LRP1B: variants seen among roughly 807,000 people sequenced by gnomAD.
LRP1B encodes the protein low-density lipoprotein receptor-related protein 1B.
Under a neutral mutation model 556.6 loss-of-function variants are expected in LRP1B, and 217 were observed. The ratio of observed to expected loss-of-function variants is 0.39; its 90% confidence interval spans 0.35 to 0.44. The LOEUF (loss-of-function observed/expected upper bound fraction) is 0.44. Ranked by LOEUF, LRP1B falls within the 20% of genes least tolerant of loss-of-function variation. LRP1B has a pLI of 1.00. For missense variants in LRP1B, 5,053 were observed against 5,620.8 expected (o/e 0.90, Z 3.23); for synonymous variants, 2,047 against 1,865.8 (o/e 1.10, Z -2.50).
In LRP1B at chr2:141,464,604, A is replaced by ATT. The variant is rs1415837703; in HGVS notation, c.343+15791_343+15792insAA. 6.9e-4 allele frequency among the ~76,000 whole-genome samples: 50 copies of ATT among 72,778 alleles called. 3 individuals are homozygous for ATT. The highest frequency in any genetic ancestry group is 2.4e-3 in the African/African-American group (44 of 18,694). The allele number at this position is 72,778 out of a possible 152,430, so 47.7% of individuals were successfully genotyped here. On this transcript the variant is annotated intron_variant, in intron 3 of 90. Transcript: ENST00000389484. ...ATTTTGTATATATATATATATATAT[A>ATT]TATTTTTTTAGTAGAGATGGGGTTT...
chr2:141,786,957 T>C (rs945355145), intron 2 of LRP1B, among the ~76,000 whole-genome samples: 1 of 151,996 alleles, frequency 6.6e-6, no homozygotes, highest in Non-Finnish European at 1.5e-5. Flanking sequence ...TGATTTTTAA[T>C]ATTGAAACAA....
chr2:141,444,073 G>A (rs1422244634), intron 3 of LRP1B, among the ~76,000 whole-genome samples: 1 of 152,134 alleles, frequency 6.6e-6, no homozygotes, highest in East Asian at 1.9e-4. Flanking sequence ...AGCATGGAAT[G>A]TTTTTCCATT....
At chr2:142,023,969 A>G (rs115228561) in intron 1 of LRP1B, among the ~76,000 whole-genome samples, 5,145 of 152,286 alleles carry the variant, frequency 0.034, 87 homozygotes, top group Non-Finnish European at 0.04. Context: ...ATTTTGAGAT[A>G]CATTTTCAGT....
chr2:140,877,592 G>T (rs1245801482), intron 25 of LRP1B, among the ~76,000 whole-genome samples: 1 of 152,130 alleles, frequency 6.6e-6, no homozygotes, highest in East Asian at 1.9e-4. Context: ...CCTCCCATCA[G>T]TTCAAAGTCA....
At chr2:141,906,087 G>A (rs1699752732) in intron 1 of LRP1B, among the ~76,000 whole-genome samples, 1 of 151,072 alleles carries the variant, frequency 6.6e-6, no homozygotes, top group South Asian at 2.1e-4. Flanking sequence ...AATGAGGGAT[G>A]GAGGGAGAGA....
chr2:142,002,729 G>T (rs1702691843), intron 1 of LRP1B, among the ~76,000 whole-genome samples: 1 of 151,970 alleles, frequency 6.6e-6, no homozygotes, highest in Admixed American at 6.6e-5. Context: ...GTTCTGCTTT[G>T]CTATATAACT....
At chr2:142,092,216 G>T (rs1252700985) in intron 1 of LRP1B, among the ~76,000 whole-genome samples, 1 of 152,098 alleles carries the variant, frequency 6.6e-6, no homozygotes, top group Admixed American at 6.6e-5. Flanking sequence ...GGGTTTCTTA[G>T]TTCAGAGGAA....
At chr2:141,560,529 G>A (rs539530292) in intron 2 of LRP1B, among the ~76,000 whole-genome samples, 1 of 151,080 alleles carries the variant, frequency 6.6e-6, no homozygotes, top group East Asian at 1.9e-4. Flanking sequence ...TTAGCTAGTT[G>A]GATCAGTGGA....
At chr2:140,760,081 C>A (rs1291060997) in intron 35 of LRP1B, among the ~76,000 whole-genome samples, 1 of 151,906 alleles carries the variant, frequency 6.6e-6, no homozygotes, top group African/African-American at 2.4e-5. Context: ...GAATGGTAGC[C>A]AGAAGCAAAT....
chr2:141,084,491 T>G (rs549021226), intron 7 of LRP1B, among the ~76,000 whole-genome samples: 2 of 152,350 alleles, frequency 1.3e-5, no homozygotes, highest in East Asian at 1.9e-4. Flanking sequence ...CTACCAATTA[T>G]ATTTTGTTGT....
intron 32 of LRP1B, among the ~76,000 whole-genome samples, chr2:140,776,612 T>A (rs1437507424): frequency 6.6e-6 from 1 of 151,942 alleles, no homozygotes; most frequent in African/African-American, 2.4e-5. Context: ...TTTTGTACGA[T>A]ACGTATTTGT....
intron 6 of LRP1B, among the ~76,000 whole-genome samples, chr2:141,218,054 GGCT>G (rs1682887567): frequency 6.6e-6 from 1 of 151,688 alleles, no homozygotes; most frequent in African/African-American, 2.4e-5. Flanking sequence ...CAATCAGAAT[GGCT>G]ACTATTAACA....
At chr2:141,599,542 C>A (rs1016657436) in intron 2 of LRP1B, among the ~76,000 whole-genome samples, 1 of 152,040 alleles carries the variant, frequency 6.6e-6, no homozygotes, top group Non-Finnish European at 1.5e-5. Context: ...CTGGAACTTG[C>A]AACTATTACT....
At chr2:140,349,512 T>C (rs144349560) in intron 77 of LRP1B, among the ~76,000 whole-genome samples, 1 of 151,878 alleles carries the variant, frequency 6.6e-6, no homozygotes, top group African/African-American at 2.4e-5. Flanking sequence ...TATTTATTAG[T>C]TGTATGTAAT....
At chr2:140,506,966 T>A in intron 52 of LRP1B, 48 bp from the exon 53 acceptor site, 6 of 1,583,140 alleles carry the variant, frequency 3.8e-6, no homozygotes, top group Non-Finnish European at 4.3e-6. Flanking sequence ...ACATATGTTA[T>A]CTTCCCCTAT....
intron 3 of LRP1B, among the ~76,000 whole-genome samples, chr2:141,459,789 C>T (rs1419467865): frequency 6.6e-6 from 1 of 152,124 alleles, no homozygotes; most frequent in African/African-American, 2.4e-5. Context: ...ACTGTGAGTC[C>T]ATGAAACCTC....
intron 3 of LRP1B, among the ~76,000 whole-genome samples, chr2:141,272,019 GA>G (rs981065651): frequency 6.6e-6 from 1 of 151,938 alleles, no homozygotes; most frequent in African/African-American, 2.4e-5. Flanking sequence ...AAACAATGAA[GA>G]GAATCAGAAC....
chr2:142,026,611 G>A (rs1305753483), intron 1 of LRP1B, among the ~76,000 whole-genome samples: 1 of 151,934 alleles, frequency 6.6e-6, no homozygotes, highest in Non-Finnish European at 1.5e-5. Context: ...TCTTTTTCTA[G>A]ACAGTGATGC....
chr2:140,839,423 A>T (rs188356004), intron 31 of LRP1B, among the ~76,000 whole-genome samples: 8 of 152,310 alleles, frequency 5.3e-5, no homozygotes, highest in Admixed American at 5.2e-4. Flanking sequence ...TGGAAGAAGC[A>T]GACCCACCCT....
Sources: allele counts gnomAD v4.1 joint callset (sites outside exome capture counted in the v4.1 genomes callset), GRCh38; gene constraint gnomAD v4.1.1; transcripts MANE v1.5; gene names NCBI Gene and HGNC (gene_info 2026-07-23, HGNC 2026-07-21).